Variants in GUCY1A2 observed in about 807,000 individuals in gnomAD.
GUCY1A2 encodes the protein guanylate cyclase 1 soluble subunit alpha 2.
In GUCY1A2, 27 loss-of-function variants were observed where a neutral mutation model predicts 63.5. That is an observed-to-expected ratio of 0.43 (90% CI 0.31 to 0.59). The LOEUF is 0.59. GUCY1A2 is among the 20% of genes least tolerant of loss of function. The probability of loss-of-function intolerance (pLI) is 0.11; values close to 1 mark genes in which losing one functional copy is unlikely to be tolerated. For synonymous variants in GUCY1A2, 364 were observed against 343.5 expected (o/e 1.06, Z -0.66); for missense variants, 768 against 913.3 (o/e 0.84, Z 2.05).
In GUCY1A2 at chr11:106,680,862, G is replaced by A. The variant is rs1020450797; in HGVS notation, c.*6687C>T. On this transcript the variant is annotated 3_prime_UTR_variant, in exon 8 of 8. Coordinates refer to ENST00000526355, the MANE Select transcript of GUCY1A2 (RefSeq NM_000855.3). ...TTTACCTTGCAGGGCAATAATAGGA[G>A]CTGTCATCTTATTTAGATGCTTAGG... 1 of 206,170 alleles carries A rather than the reference G, an allele frequency of 4.9e-6. No individual in the cohort carries two copies. The highest frequency in any genetic ancestry group is 9.9e-6 in the Non-Finnish European group (1 of 100,990). The allele number at this position is 206,170 out of a possible 1,614,324, so 12.8% of individuals were successfully genotyped here.
At chr11:106,840,952 T>C (rs763967262) in intron 4 of GUCY1A2, among the ~76,000 whole-genome samples, 11 of 151,954 alleles carry the variant, frequency 7.2e-5, no homozygotes, top group East Asian at 1.9e-4. Context: ...ATGGTAATAA[T>C]AGAAGTCCAA....
intron 7 of GUCY1A2, among the ~76,000 whole-genome samples, chr11:106,699,296 A>G (rs1201602564): frequency 6.6e-6 from 1 of 152,200 alleles, no homozygotes; most frequent in Non-Finnish European, 1.5e-5. Flanking sequence ...AAATGTAAGG[A>G]GTGACTTTTT....
chr11:106,822,112 A>T (rs1333043853), intron 4 of GUCY1A2, among the ~76,000 whole-genome samples: 1 of 152,202 alleles, frequency 6.6e-6, no homozygotes, highest in African/African-American at 2.4e-5. Flanking sequence ...ATTTGAGTAC[A>T]AAAGGAATTT....
At chr11:107,002,921 C>A (rs1861628298) in intron 1 of GUCY1A2, among the ~76,000 whole-genome samples, 1 of 152,152 alleles carries the variant, frequency 6.6e-6, no homozygotes, top group African/African-American at 2.4e-5. Flanking sequence ...TGTACTCCTA[C>A]TCTGCCATAT....
At chr11:106,798,533 A>G (rs955115356) in intron 5 of GUCY1A2, among the ~76,000 whole-genome samples, 151 of 152,232 alleles carry the variant, frequency 9.9e-4, no homozygotes, top group Middle Eastern at 3.4e-3. Flanking sequence ...CTGGCAAACC[A>G]AATCCAGCAG....
intron 4 of GUCY1A2, among the ~76,000 whole-genome samples, chr11:106,847,352 A>G (rs1166084323): frequency 6.6e-6 from 1 of 151,246 alleles, no homozygotes; most frequent in Non-Finnish European, 1.5e-5. Context: ...CATATGATAA[A>G]ATGAAGATGA....
At chr11:106,767,523 T>C (rs1864184433) in intron 6 of GUCY1A2, among the ~76,000 whole-genome samples, 2 of 152,138 alleles carry the variant, frequency 1.3e-5, no homozygotes, top group African/African-American at 2.4e-5. Flanking sequence ...TGATAGACTA[T>C]TTTATAGTCT....
At chr11:106,752,861 T>C (rs916582246) in intron 6 of GUCY1A2, among the ~76,000 whole-genome samples, 3 of 152,194 alleles carry the variant, frequency 2.0e-5, no homozygotes, top group Non-Finnish European at 4.4e-5. Context: ...TTATAATCCT[T>C]TGGGTAGACA....
intron 1 of GUCY1A2, among the ~76,000 whole-genome samples, chr11:106,994,060 C>T (rs557832502): frequency 6.6e-6 from 1 of 152,256 alleles, no homozygotes; most frequent in Non-Finnish European, 1.5e-5. Context: ...ATTTTATTCT[C>T]CTTGTGAACA....
intron 2 of GUCY1A2, among the ~76,000 whole-genome samples, chr11:106,980,114 G>A (rs1861315665): frequency 6.6e-6 from 1 of 152,208 alleles, no homozygotes; most frequent in African/African-American, 2.4e-5. Flanking sequence ...AGACTCTGGA[G>A]AAAGTTATCG....
chr11:106,777,993 C>T (rs1006312825), intron 5 of GUCY1A2, among the ~76,000 whole-genome samples: 1 of 152,074 alleles, frequency 6.6e-6, no homozygotes, highest in Non-Finnish European at 1.5e-5. Flanking sequence ...ATGTCCATTG[C>T]TGTTAATAAA....
chr11:106,803,053 T>C (rs1349956292), intron 5 of GUCY1A2, among the ~76,000 whole-genome samples: 3 of 152,178 alleles, frequency 2.0e-5, no homozygotes, highest in Non-Finnish European at 4.4e-5. Flanking sequence ...TAATATTAAC[T>C]TCTGCTTAGC....
At chr11:106,921,763 A>G (rs758069115) in intron 4 of GUCY1A2, among the ~76,000 whole-genome samples, 5 of 152,150 alleles carry the variant, frequency 3.3e-5, no homozygotes, top group African/African-American at 4.8e-5. Context: ...GCAAACAAGC[A>G]AAAAAACAAA....
At chr11:106,924,236 T>C (rs1367838433) in intron 4 of GUCY1A2, among the ~76,000 whole-genome samples, 1 of 152,240 alleles carries the variant, frequency 6.6e-6, no homozygotes, top group African/African-American at 2.4e-5. Context: ...TAACATTTTT[T>C]AATTCAGCTT....
chr11:106,705,191 T>C (rs1843066684), intron 7 of GUCY1A2, among the ~76,000 whole-genome samples: 1 of 152,080 alleles, frequency 6.6e-6, no homozygotes, highest in African/African-American at 2.4e-5. Flanking sequence ...GTATGAAATA[T>C]TAAAATATGG....
At chr11:106,921,777 A>ACC (rs2119904762) in intron 4 of GUCY1A2, among the ~76,000 whole-genome samples, 1 of 151,790 alleles carries the variant, frequency 6.6e-6, no homozygotes, top group East Asian at 1.9e-4. Flanking sequence ...AAACAAACAA[A>ACC]CCCCTTCCAT....
At position 106,809,946 on chromosome 11, in the gene GUCY1A2, A is replaced by G. The variant is rs746342247; in HGVS notation, c.1692+47T>C. ...AAAAATCAATTTAATTCACATGACA[A>G]TTTACTATTAAAAAACATTTATATG... On this transcript the variant is annotated intron_variant, in intron 5 of 7. Transcript: ENST00000526355. 8.1e-6 allele frequency: 10 copies of G among 1,230,916 alleles called. No homozygotes were observed. In the East Asian group the frequency reaches 2.2e-4, roughly 27 times the overall value. The allele number at this position is 1,230,916 out of a possible 1,614,324, so 76.2% of individuals were successfully genotyped here. A position where few individuals can be genotyped will look rare whatever the true frequency, so the allele number is the denominator to read the frequency against.
chr11:106,757,594 T>TAACA (rs1328184969), intron 6 of GUCY1A2, among the ~76,000 whole-genome samples: 1 of 152,202 alleles, frequency 6.6e-6, no homozygotes, highest in Non-Finnish European at 1.5e-5. Context: ...GTTTTCCTTC[T>TAACA]AACAGTCAGG....
At chr11:106,801,229 T>C (rs78019183) in intron 5 of GUCY1A2, among the ~76,000 whole-genome samples, 2,009 of 152,214 alleles carry the variant, frequency 0.013, 44 homozygotes, top group African/African-American at 0.046. Flanking sequence ...AATTTACAAA[T>C]TCATGTTCAT....
Sources: allele counts gnomAD v4.1 joint callset (sites outside exome capture counted in the v4.1 genomes callset), GRCh38; gene constraint gnomAD v4.1.1; transcripts MANE v1.5; gene names NCBI Gene and HGNC (gene_info 2026-07-23, HGNC 2026-07-21).